PPP3CA: variants seen among roughly 807,000 people sequenced by gnomAD.
PPP3CA encodes CAM-PRP catalytic subunit.
PPP3CA carries 14 observed loss-of-function variants against 66.5 expected under a neutral mutation model. The ratio of observed to expected loss-of-function variants is 0.21; its 90% CI spans 0.14 to 0.33. PPP3CA has a LOEUF of 0.33. PPP3CA is among the 10% of genes least tolerant of loss of function. The probability of loss-of-function intolerance (pLI) is 1.00; values close to 1 mark genes in which losing one functional copy is unlikely to be tolerated. For missense variants in PPP3CA, 317 were observed against 639.5 expected, an observed-to-expected ratio of 0.50 and a Z score of 5.44; for synonymous variants, 232 against 226.2, an observed-to-expected ratio of 1.03 and a Z score of -0.23.
At chr4:101,167,296 C>A (rs1020920989) in intron 2 of PPP3CA, among the ~76,000 whole-genome samples, 3 of 152,090 alleles carry the variant, frequency 2.0e-5, no homozygotes, top group Non-Finnish European at 4.4e-5. Context: ...TACTGAGATG[C>A]ATGGTGACTT....
At chr4:101,164,838 G>A (rs556507900) in intron 2 of PPP3CA, among the ~76,000 whole-genome samples, 2 of 151,978 alleles carry the variant, frequency 1.3e-5, no homozygotes, top group South Asian at 4.2e-4. Flanking sequence ...ATAGGATTAG[G>A]TTCATATACC....
chr4:101,317,253 AACACAC>A lies in PPP3CA; in HGVS notation c.58+29480_58+29485del, dbSNP rs3840161. 9.0e-4 allele frequency among the ~76,000 whole-genome samples: 131 copies of A among 145,278 alleles called. 1 individual carries two copies. The highest frequency in any genetic ancestry group is 2.8e-3 in the Admixed American group (41 of 14,672). ...GGAGGCCCCTTAACTCGGTACTCCC[AACACAC>A]ACACACACACACACACACACACACA... is the stretch of plus-strand genomic sequence containing the variant. On this transcript the variant is annotated intron_variant, in intron 1 of 13. Transcript: ENST00000394854.
intron 1 of PPP3CA, among the ~76,000 whole-genome samples, chr4:101,311,678 G>A (rs1246851819): frequency 1.3e-5 from 2 of 152,128 alleles, no homozygotes; most frequent in Non-Finnish European, 2.9e-5. Context: ...TACTCGGGAG[G>A]CTCAGGCAGG....
intron 3 of PPP3CA, among the ~76,000 whole-genome samples, chr4:101,106,013 T>C (rs1370833426): frequency 6.6e-6 from 1 of 152,092 alleles, no homozygotes; most frequent in Non-Finnish European, 1.5e-5. Context: ...ATTTTTAAAA[T>C]ATTCACTTAG....
intron 1 of PPP3CA, among the ~76,000 whole-genome samples, chr4:101,320,018 T>A (rs1305615909): frequency 6.6e-6 from 1 of 152,138 alleles, no homozygotes; most frequent in Non-Finnish European, 1.5e-5. Flanking sequence ...CAATCCCCAA[T>A]TTCCATACGA....
intron 2 of PPP3CA, among the ~76,000 whole-genome samples, chr4:101,173,517 C>T (rs1233527384): frequency 1.3e-5 from 2 of 152,026 alleles, no homozygotes; most frequent in Non-Finnish European, 2.9e-5. Context: ...ATTTACACTA[C>T]ACACTTATTC....
chr4:101,193,488 AC>A (rs1724683700), intron 2 of PPP3CA, among the ~76,000 whole-genome samples: 1 of 152,034 alleles, frequency 6.6e-6, no homozygotes, highest in South Asian at 2.1e-4. Flanking sequence ...AAAAAAAAAA[AC>A]AGAACTGGCC....
intron 1 of PPP3CA, among the ~76,000 whole-genome samples, chr4:101,255,696 T>A (rs1013484202): frequency 1.4e-4 from 21 of 151,960 alleles, no homozygotes; most frequent in African/African-American, 5.1e-4. Flanking sequence ...AGTGAAATTT[T>A]AAAAAATTAA....
intron 1 of PPP3CA, among the ~76,000 whole-genome samples, chr4:101,245,248 T>C (rs1294448576): frequency 1.3e-5 from 2 of 152,176 alleles, no homozygotes; most frequent in Non-Finnish European, 2.9e-5. Context: ...ACATGTTTAA[T>C]TCGCCATCTT....
chr4:101,166,993 G>T (rs13128841), intron 2 of PPP3CA, among the ~76,000 whole-genome samples: 1 of 151,840 alleles, frequency 6.6e-6, no homozygotes, highest in Non-Finnish European at 1.5e-5. Context: ...TTAATTATAC[G>T]TGCAATTTAG....
At chr4:101,282,973 T>C (rs981425709) in intron 1 of PPP3CA, among the ~76,000 whole-genome samples, 19 of 152,248 alleles carry the variant, frequency 1.2e-4, no homozygotes, top group Non-Finnish European at 2.5e-4. Flanking sequence ...TTGGTTCATA[T>C]GTATTAAATA....
At chr4:101,254,961 G>A (rs1217398181) in intron 1 of PPP3CA, among the ~76,000 whole-genome samples, 1 of 142,030 alleles carries the variant, frequency 7.0e-6, no homozygotes, top group African/African-American at 2.6e-5. Flanking sequence ...TAATTAACAG[G>A]AAATGAGTAG....
intron 2 of PPP3CA, among the ~76,000 whole-genome samples, chr4:101,173,846 T>C (rs1723964052): frequency 6.6e-6 from 1 of 152,124 alleles, no homozygotes; most frequent in Non-Finnish European, 1.5e-5. Flanking sequence ...AGGCCACGAC[T>C]TTGAAACCAG....
intron 1 of PPP3CA, among the ~76,000 whole-genome samples, chr4:101,248,398 T>A (rs895023949): frequency 1.3e-5 from 2 of 152,188 alleles, no homozygotes; most frequent in African/African-American, 2.4e-5. Flanking sequence ...ATGGCAATTT[T>A]TGAATTAAAA....
intron 1 of PPP3CA, among the ~76,000 whole-genome samples, chr4:101,256,094 C>T (rs1422895729): frequency 6.6e-6 from 1 of 151,898 alleles, no homozygotes; most frequent in African/African-American, 2.4e-5. Context: ...ATGTTCTATT[C>T]ACCACTCTTC....
intron 2 of PPP3CA, among the ~76,000 whole-genome samples, chr4:101,109,940 T>C (rs1721614725): frequency 6.6e-6 from 1 of 152,150 alleles, no homozygotes; most frequent in Admixed American, 6.6e-5. Flanking sequence ...GATAATGAAA[T>C]AATATAGCTT....
chr4:101,302,376 A>G (rs1050594523), intron 1 of PPP3CA, among the ~76,000 whole-genome samples: 4 of 152,262 alleles, frequency 2.6e-5, no homozygotes, highest in African/African-American at 4.8e-5. Flanking sequence ...ATATTATTAC[A>G]AGAATCTTAT....
Position 101,347,316 on chromosome 4 carries a change from G to A in PPP3CA, c.-520C>T, listed in dbSNP as rs1260027744. The A allele has an allele frequency of 4.9e-6, 1 of 202,790 alleles. No homozygotes were observed. Among genetic ancestry groups the A allele is most frequent in the Non-Finnish European group, 9.7e-6 (1 of 102,718 alleles). The allele number at this position is 202,790 out of a possible 1,614,324, so 12.6% of individuals were successfully genotyped here. On this transcript the variant is annotated 5_prime_UTR_variant, in exon 1 of 14. Coordinates refer to ENST00000394854, the MANE Select transcript of PPP3CA (RefSeq NM_000944.5). ...TGGCGTCCCCGGCGGCGGAGAGGCG[G>A]CCGCCGCTGCTGCCGCTGCTGCTGC...
chr4:101,038,184 T>C (rs183510608), intron 11 of PPP3CA, among the ~76,000 whole-genome samples: 1 of 152,248 alleles, frequency 6.6e-6, no homozygotes, highest in African/African-American at 2.4e-5. Context: ...GTGCTCCTGA[T>C]AATTTTTCCA....
Sources: gnomAD v4.1 joint callset for allele counts (sites outside exome capture counted in the v4.1 genomes callset) on GRCh38, gnomAD v4.1.1 for gene constraint, MANE v1.5 for transcripts, NCBI Gene and HGNC (gene_info 2026-07-23, HGNC 2026-07-21) for gene names.